The following PCDHGA2 variants were observed in gnomAD, a reference collection of about 807,000 sequenced individuals.
The protein encoded by PCDHGA2 is protocadherin gamma subfamily A, 2.
Under a neutral mutation model 59.2 loss-of-function variants are expected in PCDHGA2, and 40 were observed. That is an observed-to-expected ratio of 0.68 (90% confidence interval 0.52 to 0.88). The LOEUF (loss-of-function observed/expected upper bound fraction) is 0.88. PCDHGA2 is among the 40% of genes least tolerant of loss of function. The pLI is 0.00. For missense variants in PCDHGA2, 1,226 were observed against 1,204.0 expected (o/e 1.02, Z -0.27); for synonymous variants, 560 against 526.0 (o/e 1.06, Z -0.89).
intron 1 of PCDHGA2, chr5:141,373,929 A>G: frequency 1.5e-6 from 1 of 673,706 alleles, no homozygotes; most frequent in Non-Finnish European, 2.3e-6. Context: ...TTAGACGGGA[A>G]AGCAGGAAAG....
chr5:141,371,660 C>A, intron 1 of PCDHGA2: 1 of 1,614,032 alleles, frequency 6.2e-7, no homozygotes. Context: ...ATGTGACGAT[C>A]ACAGCTACCG....
chr5:141,362,934 A>G (rs373644254), intron 1 of PCDHGA2, among the ~76,000 whole-genome samples: 1 of 152,196 alleles, frequency 6.6e-6, no homozygotes, highest in Non-Finnish European at 1.5e-5. Context: ...GAGAGTCTTC[A>G]TTTTAGTAGG....
At chr5:141,352,280 C>T in intron 1 of PCDHGA2, 3 of 1,614,072 alleles carry the variant, frequency 1.9e-6, no homozygotes, top group Non-Finnish European at 2.5e-6. Flanking sequence ...CCTCAGCGAC[C>T]GCCCTGAGCC....
At chr5:141,414,878 A>G in intron 1 of PCDHGA2, 2 of 1,614,026 alleles carry the variant, frequency 1.2e-6, no homozygotes, top group Non-Finnish European at 1.7e-6. Context: ...GAGATCCTGT[A>G]CCCCGCCCTC....
intron 1 of PCDHGA2, chr5:141,376,199 G>A: frequency 6.2e-7 from 1 of 1,614,162 alleles, no homozygotes; most frequent in Non-Finnish European, 8.5e-7. Flanking sequence ...CGTCTTCCTG[G>A]CCTTCGTCAT....
intron 1 of PCDHGA2, chr5:141,345,570 G>T: frequency 6.2e-7 from 1 of 1,614,152 alleles, no homozygotes; most frequent in South Asian, 1.1e-5. Context: ...CAACACTGGC[G>T]TCCTATACGC....
intron 1 of PCDHGA2, among the ~76,000 whole-genome samples, chr5:141,449,205 A>G (rs991001366): frequency 6.6e-6 from 1 of 152,164 alleles, no homozygotes; most frequent in Admixed American, 6.5e-5. Context: ...GTTAATTCTA[A>G]CTTTCTGTTT....
At chr5:141,464,976 A>G (rs2154568682) in intron 1 of PCDHGA2, among the ~76,000 whole-genome samples, 1 of 152,214 alleles carries the variant, frequency 6.6e-6, no homozygotes, top group East Asian at 1.9e-4. Flanking sequence ...TACTGGCTTC[A>G]AGTGATCCTC....
chr5:141,446,920 C>T (rs2098520337), intron 1 of PCDHGA2, among the ~76,000 whole-genome samples: 1 of 152,108 alleles, frequency 6.6e-6, no homozygotes, highest in African/African-American at 2.4e-5. Flanking sequence ...TATTTATCTT[C>T]CTGATCTCTT....
rs771298166 is a variant in PCDHGA2 at position 141,345,041 on chromosome 5, G to T, written c.2424+3646G>T. On this transcript the variant is annotated intron_variant, in intron 1 of 3. Coordinates refer to ENST00000394576, the MANE Select transcript of PCDHGA2 (RefSeq NM_018915.4). ...TTTCAAGAGCCAAGATTCTAGTCAC[G>T]GTTCTGGATGTGAATGACAATGCTC... 5.0e-6 allele frequency: 8 copies of T among 1,613,824 alleles called. No homozygotes were observed. The African/African-American group carries it at 6.7e-5, about 13-fold the overall frequency.
Position 141,413,755 on chromosome 5 carries a change from A to T in PCDHGA2, c.2424+72360A>T, listed in dbSNP as rs199577406. On this transcript the variant is annotated intron_variant, in intron 1 of 3. Transcript: ENST00000394576. ...AGTTCAGAGCCGTGCCAATGGCGTC[A>T]AGTACCCGGAGCTGGTACTGGAGCA... 1.6e-4 allele frequency: 266 copies of T among 1,612,936 alleles called. 3 individuals carry two copies. In the South Asian group the frequency reaches 2.3e-3, roughly 14 times the overall value.
chr5:141,360,214 G>C (rs1164103342), intron 1 of PCDHGA2: 4 of 1,613,376 alleles, frequency 2.5e-6, no homozygotes, highest in Non-Finnish European at 3.4e-6. Context: ...TTTGTTCCCC[G>C]GGGCTCTCCC....
intron 1 of PCDHGA2, among the ~76,000 whole-genome samples, chr5:141,348,872 G>C (rs1378126048): frequency 4.6e-5 from 7 of 152,130 alleles, no homozygotes; most frequent in Admixed American, 4.6e-4. Context: ...ATAAATTGTT[G>C]AGTTGGATCT....
chr5:141,422,922 C>T (rs1244444241), intron 1 of PCDHGA2: 1 of 1,614,130 alleles, frequency 6.2e-7, no homozygotes, highest in Non-Finnish European at 8.5e-7. Flanking sequence ...AGATCCTGTA[C>T]CCTGCCCTCC....
At chr5:141,364,574 G>C (rs184408500) in intron 1 of PCDHGA2, 12 of 1,614,166 alleles carry the variant, frequency 7.4e-6, no homozygotes, top group Non-Finnish European at 1.0e-5. Context: ...CCCGCGAAGC[G>C]GCAGCTTGGT....
rs2093886414 is a variant in PCDHGA2 at position 141,399,784 on chromosome 5, G to C, written c.2424+58389G>C. On this transcript the variant is annotated intron_variant, in intron 1 of 3. Transcript: ENST00000394576. ...GCGCGTGTTGGTGGGCGACCGAAAC[G>C]ACAACGCACCGCGGGTGCTGTACCC... The C allele has an allele frequency of 2.5e-6, 4 of 1,613,288 alleles. No homozygotes were observed. The East Asian group carries it at 6.7e-5, about 27-fold the overall frequency.
chr5:141,423,230 G>A (rs1223173152), intron 1 of PCDHGA2: 1 of 1,613,872 alleles, frequency 6.2e-7, no homozygotes, highest in East Asian at 2.2e-5. Flanking sequence ...GTGGCCGACA[G>A]CATCCCCGAA....
In PCDHGA2 at chr5:141,485,178, T is replaced by A; in HGVS notation, c.2425-9629T>A. The stretch of plus-strand genomic sequence containing the variant: ...GAGAATTAGCGGGCGGCAGCAATGC[T>A]CCGCAAGGTGAGAAGCTGGACAGAA... On this transcript the variant is annotated intron_variant, in intron 1 of 3. Transcript: ENST00000394576. This position sits in a 1 kb window ranked among gnomAD's most constrained non-coding sequence, Gnocchi z 5.7. 1.2e-6 allele frequency: 2 copies of A among 1,612,400 alleles called. No homozygotes were observed. Among genetic ancestry groups the A allele is most frequent in the Non-Finnish European group, 1.7e-6 (2 of 1,178,628 alleles).
At chr5:141,403,420 A>G in intron 1 of PCDHGA2, 1 of 1,614,050 alleles carries the variant, frequency 6.2e-7, no homozygotes, top group African/African-American at 1.3e-5. Flanking sequence ...CACTTCCAGA[A>G]GCTATTGATC....
Sources: allele counts gnomAD v4.1 joint callset (sites outside exome capture counted in the v4.1 genomes callset), GRCh38; gene constraint gnomAD v4.1.1; non-coding constraint Gnocchi (gnomAD v3.1); transcripts MANE v1.5; gene names NCBI Gene and HGNC (gene_info 2026-07-23, HGNC 2026-07-21).